FAS: variants seen among roughly 807,000 people sequenced by gnomAD.
FAS encodes Fas cell surface death receptor.
A neutral mutation model predicts 33.2 loss-of-function variants in FAS; 5 were observed. That is an observed-to-expected ratio of 0.15 (90% CI 0.08 to 0.32). The LOEUF (loss-of-function observed/expected upper bound fraction) is 0.32, where lower values mean the gene tolerates loss of function less well. Ranked by LOEUF, FAS falls within the 10% of genes least tolerant of loss-of-function variation. The pLI is 1.00. For synonymous variants in FAS, 131 were observed against 130.7 expected, an observed-to-expected ratio of 1.00 and a Z score of -0.01; for missense variants, 339 against 386.0, an observed-to-expected ratio of 0.88 and a Z score of 1.02.
chr10:88,964,887 T>C (rs375670693), intron 1 of FAS, among the ~76,000 whole-genome samples: 13 of 152,278 alleles, frequency 8.5e-5, no homozygotes, highest in African/African-American at 3.1e-4. Flanking sequence ...CTGTTTTTCC[T>C]CTGCCCTCCT....
At chr10:89,005,358 T>C (rs920409479) in intron 2 of FAS, among the ~76,000 whole-genome samples, 2 of 152,148 alleles carry the variant, frequency 1.3e-5, no homozygotes, top group Non-Finnish European at 2.9e-5. Context: ...TTTTATAAAT[T>C]AAAACAAAAT....
chr10:88,975,571 G>A (rs1846543906), intron 2 of FAS, among the ~76,000 whole-genome samples: 3 of 152,118 alleles, frequency 2.0e-5, no homozygotes, highest in Non-Finnish European at 1.5e-5. Flanking sequence ...AAATAAATGT[G>A]TGGGCTCTGG....
At chr10:88,968,069 A>T (rs1846352518) in intron 1 of FAS, among the ~76,000 whole-genome samples, 1 of 152,076 alleles carries the variant, frequency 6.6e-6, no homozygotes, top group African/African-American at 2.4e-5. Flanking sequence ...GTGTGTTGTC[A>T]TGGTCTTGAC....
intron 2 of FAS, among the ~76,000 whole-genome samples, chr10:88,980,133 G>T (rs117466161): frequency 0.012 from 1,821 of 152,208 alleles, 24 homozygotes; most frequent in Middle Eastern, 0.031. Context: ...CCACCCTTCT[G>T]GTCTGGACAG....
chr10:89,003,977 A>T (rs575191771), intron 2 of FAS, among the ~76,000 whole-genome samples: 16 of 152,306 alleles, frequency 1.1e-4, no homozygotes, highest in African/African-American at 3.8e-4. Flanking sequence ...AGATTCTACC[A>T]GTCTCCCTGT....
At chr10:88,984,916 C>G (rs1846831728), upstream of FAS, among the ~76,000 whole-genome samples, 1 of 152,032 alleles carries the variant, frequency 6.6e-6, no homozygotes, top group Admixed American at 6.5e-5. Flanking sequence ...ATGGAGAAGC[C>G]AAGATGTTAG....
chr10:89,001,173 C>T (rs1847907429), intron 1 of FAS, among the ~76,000 whole-genome samples: 1 of 152,080 alleles, frequency 6.6e-6, no homozygotes, highest in Non-Finnish European at 1.5e-5. Flanking sequence ...TGATGCTGTG[C>T]TCAAAATTGA....
Position 89,015,606 on chromosome 10 carries a change from T to A in FAS, c.*1156T>A, listed in dbSNP as rs1419842766. 2.0e-6 allele frequency: 1 copy of A among 505,042 alleles called. No individual in the cohort carries two copies. Among genetic ancestry groups the A allele is most frequent in the East Asian group, 4.0e-5 (1 of 25,162 alleles). The allele number at this position is 505,042 out of a possible 1,614,324, so 31.3% of individuals were successfully genotyped here. Reference sequence around the variant, plus strand: ...AATATCTTTGAAAGTTTGTATTAAATGTGAATTTTAAGAAATAATATTTAT... The same window carrying A: ...AATATCTTTGAAAGTTTGTATTAAAAGTGAATTTTAAGAAATAATATTTAT... On this transcript the variant is annotated 3_prime_UTR_variant, in exon 9 of 9. Transcript: ENST00000652046.
At chr10:88,989,745 T>TGGGTTGAATCTAATTGGGAA (rs1202720923), upstream of FAS, among the ~76,000 whole-genome samples, 4 of 152,156 alleles carry the variant, frequency 2.6e-5, no homozygotes, top group Non-Finnish European at 5.9e-5. Context: ...GTGTTATTAA[T>TGGGTTGAATCTAATTGGGAA]GGGTTGAATC....
chr10:88,992,361 G>A (rs1415740056), intron 1 of FAS: 1 of 152,150 alleles, frequency 6.6e-6, no homozygotes, highest in Non-Finnish European at 1.5e-5. Context: ...ATTAACCATT[G>A]CACCACTGCA....
At chr10:89,005,524 AC>A (rs1848178400) in intron 2 of FAS, among the ~76,000 whole-genome samples, 2 of 152,128 alleles carry the variant, frequency 1.3e-5, no homozygotes, top group African/African-American at 4.8e-5. Context: ...ATATATATAC[AC>A]ACCTGTTATA....
chr10:88,979,202 A>G (rs1246334569), intron 2 of FAS, among the ~76,000 whole-genome samples: 1 of 151,914 alleles, frequency 6.6e-6, no homozygotes, highest in African/African-American at 2.4e-5. Flanking sequence ...GTTGTGTATG[A>G]GCGTAGGGAT....
At chr10:88,969,308 A>C (rs1231715834) in intron 1 of FAS, among the ~76,000 whole-genome samples, 1 of 152,252 alleles carries the variant, frequency 6.6e-6, no homozygotes, top group Admixed American at 6.5e-5. Context: ...CCATCAAAAA[A>C]AAATCTTTGG....
chr10:88,991,283 C>A, intron 1 of FAS: 1 of 418,092 alleles, frequency 2.4e-6, no homozygotes, highest in Non-Finnish European at 4.5e-6. Flanking sequence ...AGGGGGACCC[C>A]GGTTGGAGAG....
intron 2 of FAS, among the ~76,000 whole-genome samples, chr10:88,979,514 A>T (rs1846656827): frequency 1.3e-5 from 2 of 152,222 alleles, no homozygotes; most frequent in South Asian, 4.1e-4. Flanking sequence ...AAGTGTAGGC[A>T]GCAATAACCC....
chr10:88,968,106 T>TTTA (rs1181632084), intron 1 of FAS, among the ~76,000 whole-genome samples: 2 of 152,186 alleles, frequency 1.3e-5, no homozygotes, highest in African/African-American at 4.8e-5. Flanking sequence ...ACTATTCAAT[T>TTTA]CAGTAGTTTC....
intron 1 of FAS, chr10:89,002,701 T>G (rs1847997289): frequency 5.6e-6 from 2 of 357,448 alleles, no homozygotes; most frequent in Non-Finnish European, 1.1e-5. Flanking sequence ...TATTTCCACT[T>G]ATAGATAAAG....
intron 1 of FAS, 99 bp from the exon 2 acceptor site, chr10:89,002,930 T>C (rs2133469230): frequency 7.9e-7 from 1 of 1,271,748 alleles, no homozygotes; most frequent in Middle Eastern, 2.6e-4. Flanking sequence ...TCTTTGCCTG[T>C]GCACAGCAGA....
At chr10:88,990,415 C>T (rs1847089779), upstream of FAS, 2 of 453,392 alleles carry the variant, frequency 4.4e-6, no homozygotes, top group Non-Finnish European at 8.4e-6. This position sits in a 1 kb window ranked among gnomAD's most constrained non-coding sequence, Gnocchi z 4.9. Context: ...AGGAGGCCGG[C>T]TCTCGAGGTC....
Sources: allele counts gnomAD v4.1 joint callset (sites outside exome capture counted in the v4.1 genomes callset), GRCh38; gene constraint gnomAD v4.1.1; non-coding constraint Gnocchi (gnomAD v3.1); transcripts MANE v1.5; gene names NCBI Gene and HGNC (gene_info 2026-07-23, HGNC 2026-07-21).